Variants in MEI1 observed in about 807,000 individuals in gnomAD.
MEI1 encodes meiosis inhibitor protein 1.
MEI1 carries 103 observed loss-of-function variants against 146.2 expected under a neutral mutation model. The observed-to-expected ratio is 0.70, with a 90% CI of 0.60 to 0.83. MEI1 has a LOEUF of 0.83. Ranked by LOEUF, MEI1 falls within the 40% of genes least tolerant of loss-of-function variation. The pLI, the probability that MEI1 is intolerant of heterozygous loss-of-function variation, is 0.00. For missense variants in MEI1, 1,529 were observed against 1,533.0 expected, an observed-to-expected ratio of 1.00 and a Z score of 0.04; for synonymous variants, 652 against 628.2, an observed-to-expected ratio of 1.04 and a Z score of -0.57.
Position 41,732,924 on chromosome 22 carries a change from G to T in MEI1, c.1331+321G>T, listed in dbSNP as rs1248423518. Among the ~76,000 whole-genome samples, 3 of 151,804 alleles carry T rather than the reference G, an allele frequency of 2.0e-5. No homozygotes were observed. In the East Asian group the frequency reaches 5.8e-4, roughly 30 times the overall value. ...GCCTCCCAAGTAGCTGGGATTACAG[G>T]TGTGTACCACCATGCCCAGCTAATT... On this transcript the variant is annotated intron_variant, in intron 11 of 30. Transcript: ENST00000401548.
Position 41,718,128 on chromosome 22 carries a change from C to T in MEI1, c.587C>T (p.Ala196Val), listed in dbSNP as rs1266757608. 1 of 1,613,588 alleles carries T rather than the reference C, an allele frequency of 6.2e-7. No individual in the cohort carries two copies. Among genetic ancestry groups the T allele is most frequent in the Non-Finnish European group, 8.5e-7 (1 of 1,179,892 alleles). Residue 196 changes from alanine to valine, a missense_variant, in exon 6 of 31, where the codon GCT (alanine) becomes GTT (valine). This residue lies in a region of MEI1 where 1,212 missense variants were observed against 1,178.9 expected (regional missense o/e 1.03). Coordinates refer to ENST00000401548, the MANE Select transcript of MEI1 (RefSeq NM_152513.4). The part of the protein sequence containing the change: ...GLVYPSEGIQ[A>V]SVCYLYGKLY... Reference sequence around the variant, plus strand: ...GTATACCCCAGTGAGGGCATACAAGCTTCTGTCTGTTACCTTTATGGGAAG... The same window carrying T: ...GTATACCCCAGTGAGGGCATACAAGTTTCTGTCTGTTACCTTTATGGGAAG...
intron 11 of MEI1, 30 bp from the exon 12 acceptor site, chr22:41,743,050 G>A (rs5751147): frequency 0.81 from 1,261,409 of 1,558,884 alleles, 515,450 homozygotes; most frequent in African/African-American, 0.96. Context: ...TTGCCTTACC[G>A]TGAACCTGCT....
chr22:41,770,716 G>A lies in MEI1; in HGVS notation c.2299G>A (p.Glu767Lys). The A allele has an allele frequency of 6.2e-7, 1 of 1,613,832 alleles. No homozygotes were observed. The highest frequency in any genetic ancestry group is 1.3e-5 in the African/African-American group (1 of 74,998). ...GGTCAGTGCAATCAGAAAATTCCTA[G>A]AAGGCATCCCAGACCTGCAGCTAGT... The part of the protein sequence containing the change: ...TMVSAIRKFL[E>K]GIPDLQLVYT... Residue 767 changes from glutamate (E) to lysine (K), a missense_variant, in exon 20 of 31, where the codon GAA (glutamate) becomes AAA (lysine). Physicochemically the swap from Glu to Lys is moderately conservative, Grantham distance 56. Transcript: ENST00000401548.
intron 15 of MEI1, among the ~76,000 whole-genome samples, 176 bp downstream of exon 15, chr22:41,748,394 A>G (rs1172954730): frequency 6.6e-6 from 1 of 152,170 alleles, no homozygotes; most frequent in South Asian, 2.1e-4. Context: ...ATCAAAAGTC[A>G]TTAAAGGGGC....
intron 17 of MEI1, among the ~76,000 whole-genome samples, chr22:41,756,765 C>T (rs73426984): frequency 0.017 from 2,634 of 152,344 alleles, 75 homozygotes; most frequent in African/African-American, 0.059. Context: ...TGAGCCACCA[C>T]GCCTATCCTT....
intron 3 of MEI1, 57 bp from the exon 4 acceptor site, chr22:41,713,945 A>G: frequency 7.1e-7 from 1 of 1,415,004 alleles, no homozygotes; most frequent in Admixed American, 2.0e-5. Flanking sequence ...GGGCCATGGA[A>G]GGTGGACTCT....
intron 24 of MEI1, among the ~76,000 whole-genome samples, 174 bp from the exon 25 acceptor site, chr22:41,784,165 C>T (rs1438018367): frequency 6.6e-6 from 1 of 152,230 alleles, no homozygotes; most frequent in African/African-American, 2.4e-5. Flanking sequence ...TGATTCTCCG[C>T]ATGCTCCTGA....
At position 41,778,737 on chromosome 22, in the gene MEI1, C is replaced by G. The variant is rs1216561710; in HGVS notation, c.2740C>G (p.Leu914Val). The change falls in exon 22 of 31, where the codon CTC becomes GTC. Residue 914 changes from leucine to valine, a missense_variant. Leu to Val is a conservative substitution (Grantham distance 32). Transcript: ENST00000401548. Reference sequence around the variant, plus strand: ...GGGGAACCTACCATTGCTGCTGAGCCTCCTCTCCCTGATGCAGCTCAGGAA... The same window carrying G: ...GGGGAACCTACCATTGCTGCTGAGCGTCCTCTCCCTGATGCAGCTCAGGAA... Reference protein sequence around the residue: ...ASGNLPLLLSLLSLMQLRNVS... With the variant: ...ASGNLPLLLSVLSLMQLRNVS... 5 of 1,608,266 alleles carry G rather than the reference C, an allele frequency of 3.1e-6. No individual in the cohort carries two copies. In the South Asian group the frequency reaches 5.6e-5, roughly 18 times the overall value.
In MEI1 at chr22:41,745,901, C is replaced by CA; in HGVS notation, c.1556dup (p.Ser520GlufsTer2). 3 of 1,610,282 alleles carry CA rather than the reference C, an allele frequency of 1.9e-6. No homozygotes were observed. The highest frequency in any genetic ancestry group is 2.5e-6 in the Non-Finnish European group (3 of 1,177,192). On this transcript the variant is annotated frameshift_variant, in exon 14 of 31. Transcript: ENST00000401548. LOFTEE classifies it high-confidence loss of function. Reference sequence around the variant, plus strand: ...ATTTCTTAGGTTGGCTATAGAATTCCAGAGTGAGCCTTCAGCCCAGGAGAA... The same window carrying CA: ...ATTTCTTAGGTTGGCTATAGAATTCCAAGAGTGAGCCTTCAGCCCAGGAGAA...
intron 20 of MEI1, among the ~76,000 whole-genome samples, chr22:41,772,517 T>C (rs755328099): frequency 1.3e-5 from 2 of 152,180 alleles, no homozygotes; most frequent in Admixed American, 6.5e-5. Flanking sequence ...AGACAGTGTT[T>C]TATCATGTTG....
chr22:41,791,598 T>C (rs1208846429), intron 26 of MEI1, among the ~76,000 whole-genome samples: 1 of 152,184 alleles, frequency 6.6e-6, no homozygotes, highest in Non-Finnish European at 1.5e-5. Context: ...AGATGACAGC[T>C]AGGCCATCCT....
intron 7 of MEI1, among the ~76,000 whole-genome samples, chr22:41,726,930 C>T (rs1171604597): frequency 3.3e-5 from 5 of 151,976 alleles, no homozygotes; most frequent in Non-Finnish European, 4.4e-5. Context: ...CCCGCCACCA[C>T]ACCCAGCTAA....
chr22:41,780,669 C>A (rs1268720011), intron 22 of MEI1, among the ~76,000 whole-genome samples: 1 of 151,362 alleles, frequency 6.6e-6, no homozygotes, highest in Non-Finnish European at 1.5e-5. Flanking sequence ...CAGCCTCTAC[C>A]TCTCGGGCTC....
intron 1 of MEI1, among the ~76,000 whole-genome samples, chr22:41,700,287 A>T (rs906925274): frequency 8.5e-5 from 13 of 152,202 alleles, no homozygotes; most frequent in African/African-American, 1.7e-4. Context: ...GAGCTGGCCA[A>T]AGCGGGCTGC....
chr22:41,795,899 G>C lies in MEI1; in HGVS notation c.3779+52G>C, dbSNP rs1025668223. The C allele has an allele frequency of 2.5e-6, 4 of 1,611,350 alleles. No homozygotes were observed. In the Admixed American group the frequency reaches 6.7e-5, roughly 27 times the overall value. ...GGAGATGCCAAATCACTGGGTGTTT[G>C]GGGCTTCTCTTCCTGGGCCAGTTTA... On this transcript the variant is annotated intron_variant, in intron 30 of 30. Coordinates refer to ENST00000401548, the MANE Select transcript of MEI1 (RefSeq NM_152513.4). The surrounding 1 kb of genome is among the most constrained non-coding windows in gnomAD (Gnocchi z 4.2).
chr22:41,774,457 C>A (rs1282867364), intron 20 of MEI1: 1 of 152,218 alleles, frequency 6.6e-6, no homozygotes, highest in Non-Finnish European at 1.5e-5. Context: ...TCATGCCCCT[C>A]CCTTCCCGTC....
chr22:41,726,309 G>A (rs1207535543), intron 7 of MEI1, among the ~76,000 whole-genome samples: 1 of 152,160 alleles, frequency 6.6e-6, no homozygotes, highest in African/African-American at 2.4e-5. Context: ...AATGAGCTAG[G>A]ATCAGGTTTC....
At chr22:41,766,748 T>C (rs1035939358) in intron 19 of MEI1, among the ~76,000 whole-genome samples, 2 of 151,138 alleles carry the variant, frequency 1.3e-5, no homozygotes, top group African/African-American at 4.9e-5. Flanking sequence ...GACGGACTGG[T>C]CTCAAACTCC....
chr22:41,781,968 C>T, intron 24 of MEI1, 123 bp downstream of exon 24: 1 of 1,045,242 alleles, frequency 9.6e-7, no homozygotes, highest in Non-Finnish European at 1.4e-6. Flanking sequence ...AGGTATTTAC[C>T]CTTTCTGAGC....
Sources: gnomAD v4.1 joint callset for allele counts (sites outside exome capture counted in the v4.1 genomes callset) on GRCh38, gnomAD v4.1.1 for gene constraint, gnomAD v4.1.1 regional missense constraint, Gnocchi (gnomAD v3.1) non-coding constraint, MANE v1.5 for transcripts, NCBI Gene and HGNC (gene_info 2026-07-23, HGNC 2026-07-21) for gene names.